The following ST8SIA1 variants were observed in gnomAD, a reference collection of about 807,000 sequenced individuals.
ST8SIA1 encodes the protein ST8 alpha-N-acetyl-neuraminide alpha-2,8-sialyltransferase 1, also known as alpha-N-acetylneuraminide alpha-2,8-sialyltransferase.
ST8SIA1 carries 16 observed loss-of-function variants against 35.9 expected under a neutral mutation model. The observed-to-expected ratio is 0.45, with a 90% CI of 0.30 to 0.68. ST8SIA1 has a LOEUF of 0.68. ST8SIA1 is among the 30% of genes least tolerant of loss of function. The pLI is 0.09. For synonymous variants in ST8SIA1, 170 were observed against 169.6 expected, an observed-to-expected ratio of 1.00 and a Z score of -0.02; for missense variants, 383 against 453.6, an observed-to-expected ratio of 0.84 and a Z score of 1.41.
chr12:22,237,246 C>T (rs779313943), intron 4 of ST8SIA1, among the ~76,000 whole-genome samples: 3 of 152,022 alleles, frequency 2.0e-5, no homozygotes, highest in Non-Finnish European at 4.4e-5. Flanking sequence ...CTATAGACGC[C>T]ATGTCTGGCT....
chr12:22,194,453 AACGAT>A lies in ST8SIA1; in HGVS notation c.*7094_*7098del, dbSNP rs1565562685. The A allele has an allele frequency of 6.6e-6, 1 of 152,212 alleles. No homozygotes were observed. Among genetic ancestry groups the A allele is most frequent in the Non-Finnish European group, 1.5e-5 (1 of 68,040 alleles). 9.4% of individuals were successfully genotyped at this position (152,212 alleles called of 1,614,324 possible). On this transcript the variant is annotated 3_prime_UTR_variant, in exon 5 of 5. Transcript: ENST00000396037. ...TACATTTATAGGACTTCTTGATAAT[AACGAT>A]ACAACTTGGAACAGACATGATTACA...
intron 4 of ST8SIA1, among the ~76,000 whole-genome samples, chr12:22,230,525 G>C (rs1166222139): frequency 6.6e-6 from 1 of 152,116 alleles, no homozygotes; most frequent in African/African-American, 2.4e-5. Flanking sequence ...AAAATCCCCT[G>C]CCCAGCCCTC....
chr12:22,266,972 G>A (rs866361967), intron 2 of ST8SIA1, among the ~76,000 whole-genome samples: 1 of 152,098 alleles, frequency 6.6e-6, no homozygotes, highest in South Asian at 2.1e-4. Flanking sequence ...GACACCCCAA[G>A]GAATTTGATG....
chr12:22,206,467 C>T (rs752500708), intron 4 of ST8SIA1, among the ~76,000 whole-genome samples: 1 of 152,156 alleles, frequency 6.6e-6, no homozygotes, highest in Non-Finnish European at 1.5e-5. Context: ...CAATTATCAC[C>T]GTGTATGTGG....
intron 2 of ST8SIA1, among the ~76,000 whole-genome samples, chr12:22,283,775 A>G (rs916501575): frequency 6.6e-6 from 1 of 152,156 alleles, no homozygotes; most frequent in African/African-American, 2.4e-5. Flanking sequence ...CCCTTGACAG[A>G]CATGAGTGGT....
At chr12:22,252,183 CT>C (rs1281400614) in intron 3 of ST8SIA1, among the ~76,000 whole-genome samples, 26 of 152,256 alleles carry the variant, frequency 1.7e-4, no homozygotes, top group Middle Eastern at 6.8e-3. Context: ...TTATTATATC[CT>C]AGTCCTAGAA....
chr12:22,292,124 GAA>G (rs35972980), intron 1 of ST8SIA1, among the ~76,000 whole-genome samples: 1 of 149,738 alleles, frequency 6.7e-6, no homozygotes, highest in Non-Finnish European at 1.5e-5. Context: ...GATTTTCAAG[GAA>G]AAAAAAATGC....
chr12:22,289,381 C>T (rs1418216401), intron 1 of ST8SIA1, among the ~76,000 whole-genome samples: 1 of 152,080 alleles, frequency 6.6e-6, no homozygotes, highest in African/African-American at 2.4e-5. Context: ...CCACACAGGG[C>T]AGAACAGGAA....
At chr12:22,289,302 T>TATC (rs74700599) in intron 1 of ST8SIA1, among the ~76,000 whole-genome samples, 56,286 of 151,602 alleles carry the variant, frequency 0.37, 10,668 homozygotes, top group Middle Eastern at 0.47. Context: ...TTATTATTAT[T>TATC]ATCATCATGA....
chr12:22,289,604 T>C (rs906714348), intron 1 of ST8SIA1, among the ~76,000 whole-genome samples: 1 of 152,206 alleles, frequency 6.6e-6, no homozygotes, highest in African/African-American at 2.4e-5. Flanking sequence ...TCTCAAGTAA[T>C]TTATCTCAGG....
At chr12:22,320,343 T>A (rs1008689774) in intron 1 of ST8SIA1, among the ~76,000 whole-genome samples, 3 of 152,176 alleles carry the variant, frequency 2.0e-5, no homozygotes, top group Non-Finnish European at 4.4e-5. Context: ...AAGTACCCCA[T>A]CTTTTATGTT....
At chr12:22,310,750 T>C (rs1416674026) in intron 1 of ST8SIA1, among the ~76,000 whole-genome samples, 1 of 152,150 alleles carries the variant, frequency 6.6e-6, no homozygotes, top group African/African-American at 2.4e-5. Context: ...AGATAGCATG[T>C]CTTACAATAT....
chr12:22,300,139 G>T (rs1362335953), intron 1 of ST8SIA1, among the ~76,000 whole-genome samples: 1 of 152,058 alleles, frequency 6.6e-6, no homozygotes, highest in African/African-American at 2.4e-5. Context: ...AAGTCCTCGT[G>T]AAATTGAGTT....
intron 4 of ST8SIA1, among the ~76,000 whole-genome samples, chr12:22,229,736 T>G (rs1484023093): frequency 6.6e-6 from 1 of 151,938 alleles, no homozygotes; most frequent in Non-Finnish European, 1.5e-5. Context: ...GGAGAAAAAT[T>G]ATTCACTTTA....
chr12:22,321,029 AG>A, intron 1 of ST8SIA1, among the ~76,000 whole-genome samples: 2 of 54,364 alleles, frequency 3.7e-5, no homozygotes, highest in Non-Finnish European at 8.2e-5. Flanking sequence ...AAAGAAAGAA[AG>A]AAAGAGAAAG....
intron 4 of ST8SIA1, among the ~76,000 whole-genome samples, chr12:22,202,472 C>T (rs191914752): frequency 5.2e-4 from 79 of 152,250 alleles, no homozygotes; most frequent in African/African-American, 1.8e-3. Flanking sequence ...AGATACCTCT[C>T]CCCACTGAAA....
intron 2 of ST8SIA1, among the ~76,000 whole-genome samples, chr12:22,277,020 T>C (rs1030714729): frequency 6.6e-6 from 1 of 152,156 alleles, no homozygotes; most frequent in African/African-American, 2.4e-5. Flanking sequence ...GTAAGTATGT[T>C]ATATCTCAGT....
At chr12:22,211,799 C>T (rs1005788151) in intron 4 of ST8SIA1, among the ~76,000 whole-genome samples, 1 of 152,202 alleles carries the variant, frequency 6.6e-6, no homozygotes. Context: ...GCAACCTCCA[C>T]CTCCTGGGTG....
At position 22,311,016 on chromosome 12, in the gene ST8SIA1, A is replaced by C. The variant is rs73257813; in HGVS notation, c.236+22981T>G. 8.8e-4 allele frequency among the ~76,000 whole-genome samples: 134 copies of C among 152,306 alleles called. 1 individual carries two copies. The highest frequency in any genetic ancestry group is 3.0e-3 in the African/African-American group (125 of 41,566). On this transcript the variant is annotated intron_variant, in intron 1 of 4. Coordinates refer to ENST00000396037, the MANE Select transcript of ST8SIA1 (RefSeq NM_003034.4). ...ACCCATAAGTTAATTCAATTTAATGAATATTAGTGTTTGTTTCAATAAATC... is the reference window on the plus strand; with the variant it reads ...ACCCATAAGTTAATTCAATTTAATGCATATTAGTGTTTGTTTCAATAAATC...
Sources: allele counts gnomAD v4.1 joint callset (sites outside exome capture counted in the v4.1 genomes callset), GRCh38; gene constraint gnomAD v4.1.1; transcripts MANE v1.5; gene names NCBI Gene and HGNC (gene_info 2026-07-23, HGNC 2026-07-21).